The following STPG4 variants were observed in gnomAD, a reference collection of about 807,000 sequenced individuals.
The protein encoded by STPG4 is protein STPG4.
A neutral mutation model predicts 31.5 loss-of-function variants in STPG4; 41 were observed. The ratio of observed to expected loss-of-function variants is 1.30; its 90% CI spans 1.01 to 1.69. STPG4 has a LOEUF of 1.69. Among genes scored for constraint, STPG4 ranks in the 40% most tolerant of loss-of-function variants. The pLI, the probability that STPG4 is intolerant of heterozygous loss-of-function variation, is 0.00. For synonymous variants in STPG4, 141 were observed against 103.0 expected (o/e 1.37, Z -2.24); for missense variants, 375 against 293.4 (o/e 1.28, Z -2.03).
chr2:47,148,972 C>G (rs1421011540), intron 3 of STPG4, among the ~76,000 whole-genome samples: 1 of 152,146 alleles, frequency 6.6e-6, no homozygotes, highest in Non-Finnish European at 1.5e-5. Flanking sequence ...TTTGAGAATG[C>G]TATTCTAGCT....
intron 5 of STPG4, among the ~76,000 whole-genome samples, chr2:47,092,408 G>A: frequency 6.6e-6 from 1 of 150,822 alleles, no homozygotes; most frequent in African/African-American, 2.4e-5. Context: ...TGTTCCTGTG[G>A]TCCCAGCTAC....
At chr2:47,138,080 G>T (rs1001992621) in intron 3 of STPG4, among the ~76,000 whole-genome samples, 1 of 151,726 alleles carries the variant, frequency 6.6e-6, no homozygotes, top group Non-Finnish European at 1.5e-5. Context: ...TTAATTTTTG[G>T]TTTTTCTTCT....
intron 5 of STPG4, among the ~76,000 whole-genome samples, chr2:47,103,302 C>T (rs956486452): frequency 5.3e-5 from 8 of 151,944 alleles, no homozygotes; most frequent in African/African-American, 1.9e-4. Context: ...AGAAAATATA[C>T]TCCCCTGTCA....
intron 5 of STPG4, among the ~76,000 whole-genome samples, chr2:47,101,118 T>C (rs543991801): frequency 4.6e-5 from 7 of 151,970 alleles, no homozygotes; most frequent in Admixed American, 4.6e-4. Context: ...CTTGCTATTC[T>C]GTCCTATTTT....
rs755993586 is a variant in STPG4, at chr2:47,130,300, G to A, written c.400-40C>T. On this transcript the variant is annotated intron_variant, in intron 3 of 6. Transcript: ENST00000445927. ...CAAGGACACCAATAGATTAATAGAGGTTGTAAACTCACTTCGTTATCTGTC... is the reference window on the plus strand; with the variant it reads ...CAAGGACACCAATAGATTAATAGAGATTGTAAACTCACTTCGTTATCTGTC... 3.3e-6 allele frequency: 5 copies of A among 1,526,294 alleles called. No individual in the cohort carries two copies. In the Admixed American group the frequency reaches 5.2e-5, roughly 16 times the overall value. 94.5% of individuals were successfully genotyped at this position (1,526,294 alleles called of 1,614,324 possible). A position where few individuals can be genotyped will look rare whatever the true frequency, so the allele number is the denominator to read the frequency against.
At chr2:47,149,414 A>C (rs1397897865) in intron 3 of STPG4, among the ~76,000 whole-genome samples, 3 of 152,240 alleles carry the variant, frequency 2.0e-5, no homozygotes, top group Non-Finnish European at 4.4e-5. Context: ...AAGACTTTGC[A>C]TTTGAGATAG....
At chr2:47,151,567 T>C (rs1372761069) in intron 2 of STPG4, 52 bp from the exon 3 acceptor site, 4 of 1,502,508 alleles carry the variant, frequency 2.7e-6, no homozygotes, top group Non-Finnish European at 2.7e-6. Flanking sequence ...TAACTTCTCC[T>C]AAAACACCAT....
chr2:47,130,999 A>C lies in STPG4; in HGVS notation c.400-739T>G, dbSNP rs376164361. Among the ~76,000 whole-genome samples the C allele has an allele frequency of 7.9e-5, 12 of 151,266 alleles. No homozygotes were observed. The East Asian group carries it at 1.6e-3, about 20-fold the overall frequency. On this transcript the variant is annotated intron_variant, in intron 3 of 6. Transcript: ENST00000445927. ...CCAGCTACTTTTTTATTTTTTGTAG[A>C]GACAGGATCTCACTATGTTGCCCGG...
chr2:47,135,451 A>C (rs1686575937), intron 3 of STPG4, among the ~76,000 whole-genome samples: 1 of 152,004 alleles, frequency 6.6e-6, no homozygotes, highest in Non-Finnish European at 1.5e-5. Flanking sequence ...CAGTGGGGTA[A>C]TTTCAGCTCA....
intron 5 of STPG4, among the ~76,000 whole-genome samples, chr2:47,113,232 C>A (rs6730677): frequency 0.11 from 17,402 of 152,140 alleles, 1,094 homozygotes; most frequent in Non-Finnish European, 0.12. Context: ...CGAACTACCT[C>A]ATTTGATGAC....
chr2:47,127,161 G>T (rs892692759), intron 5 of STPG4, among the ~76,000 whole-genome samples: 1 of 149,708 alleles, frequency 6.7e-6, no homozygotes, highest in Admixed American at 6.7e-5. Flanking sequence ...GCCGTTTTGA[G>T]GCTATTTTAT....
chr2:47,105,183 G>C (rs1685885445), intron 5 of STPG4, among the ~76,000 whole-genome samples: 1 of 151,916 alleles, frequency 6.6e-6, no homozygotes, highest in African/African-American at 2.4e-5. Flanking sequence ...AGAGAGCCGG[G>C]ATAGCTCTTG....
intron 3 of STPG4, among the ~76,000 whole-genome samples, chr2:47,137,737 C>G (rs1490888000): frequency 1.3e-5 from 2 of 152,060 alleles, no homozygotes; most frequent in African/African-American, 2.4e-5. Context: ...TTCATTTTAT[C>G]TAGGTAATCA....
At chr2:47,111,260 CTCT>C (rs1471794096) in intron 5 of STPG4, among the ~76,000 whole-genome samples, 1 of 152,136 alleles carries the variant, frequency 6.6e-6, no homozygotes, top group Non-Finnish European at 1.5e-5. Context: ...AATCTTCTCA[CTCT>C]TCTTTATTCT....
intron 5 of STPG4, among the ~76,000 whole-genome samples, chr2:47,097,184 A>G (rs1435590370): frequency 1.3e-5 from 2 of 152,218 alleles, no homozygotes; most frequent in Non-Finnish European, 2.9e-5. Context: ...TTGTTAAGAC[A>G]AATGAGATCA....
intron 5 of STPG4, chr2:47,121,163 G>C (rs1686266470): frequency 6.5e-6 from 1 of 154,318 alleles, no homozygotes; most frequent in Admixed American, 6.5e-5. Flanking sequence ...TCTGAAAGCA[G>C]AAGGTCTGGT....
At chr2:47,120,656 G>T (rs79662117) in intron 5 of STPG4, among the ~76,000 whole-genome samples, 3,775 of 152,162 alleles carry the variant, frequency 0.025, 173 homozygotes, top group African/African-American at 0.086. Flanking sequence ...GTGGGGGTCC[G>T]GGTTTCAGTC....
chr2:47,155,068 A>G, intron 1 of STPG4, 103 bp downstream of exon 1: 1 of 1,046,660 alleles, frequency 9.6e-7, no homozygotes, highest in Middle Eastern at 2.0e-4. Flanking sequence ...GGAAGAGGGA[A>G]CGAGAGCGGC....
At chr2:47,102,509 G>C (rs925429402) in intron 5 of STPG4, among the ~76,000 whole-genome samples, 16 of 151,846 alleles carry the variant, frequency 1.1e-4, no homozygotes, top group African/African-American at 3.2e-4. Flanking sequence ...TTCTGTAAGA[G>C]GCAAGGCAAA....
Sources: gnomAD v4.1 joint callset for allele counts (sites outside exome capture counted in the v4.1 genomes callset) on GRCh38, gnomAD v4.1.1 for gene constraint, MANE v1.5 for transcripts, NCBI Gene and HGNC (gene_info 2026-07-23, HGNC 2026-07-21) for gene names.